The following CFAP299 variants were observed in gnomAD, a reference collection of about 807,000 sequenced individuals.
The protein encoded by CFAP299 is cilia- and flagella-associated protein 299.
CFAP299 carries 21 observed loss-of-function variants against 27.0 expected under a neutral mutation model. The ratio of observed to expected loss-of-function variants is 0.78; its 90% CI spans 0.55 to 1.12. CFAP299 has a LOEUF of 1.12. Ranked by LOEUF, CFAP299 falls within the 50% of genes most tolerant of loss-of-function variation. The pLI is 0.00. For synonymous variants in CFAP299, 104 were observed against 98.1 expected (o/e 1.06, Z -0.36); for missense variants, 310 against 276.6 (o/e 1.12, Z -0.86).
intron 3 of CFAP299, among the ~76,000 whole-genome samples, chr4:80,761,318 T>C (rs1212217555): frequency 6.6e-6 from 1 of 152,072 alleles, no homozygotes; most frequent in Non-Finnish European, 1.5e-5. Flanking sequence ...TACTTCTGGG[T>C]GGTCACTATT....
At chr4:80,619,406 A>G (rs1014256098) in intron 3 of CFAP299, among the ~76,000 whole-genome samples, 5 of 151,958 alleles carry the variant, frequency 3.3e-5, no homozygotes, top group East Asian at 1.9e-4. Flanking sequence ...GCCACATGAA[A>G]TTTTCTGAAT....
intron 3 of CFAP299, among the ~76,000 whole-genome samples, chr4:80,795,919 G>T (rs1486626357): frequency 6.6e-6 from 1 of 152,094 alleles, no homozygotes; most frequent in Non-Finnish European, 1.5e-5. Flanking sequence ...TTCATGTATG[G>T]GGACCTGCCA....
intron 2 of CFAP299, among the ~76,000 whole-genome samples, chr4:80,560,642 G>A (rs985677191): frequency 4.6e-5 from 7 of 152,084 alleles, no homozygotes; most frequent in Admixed American, 6.6e-5. Context: ...TAAAGAGACC[G>A]TGACCCTTAA....
At position 80,852,202 on chromosome 4, in the gene CFAP299, A is replaced by G. The variant is rs544893686; in HGVS notation, c.334-17791A>G. Among the ~76,000 whole-genome samples the G allele has an allele frequency of 1.3e-3, 191 of 152,282 alleles. 1 individual carries two copies. Among genetic ancestry groups the G allele is most frequent in the African/African-American group, 4.5e-3 (188 of 41,564 alleles). ...TCAGCACTAAAGCACAAACACATTA[A>G]AATAAAACTGTGGTTCTCAAAGTGC... On this transcript the variant is annotated intron_variant, in intron 3 of 5. Transcript: ENST00000358105.
intron 2 of CFAP299, among the ~76,000 whole-genome samples, chr4:80,408,570 G>C (rs144674769): frequency 1.4e-3 from 219 of 151,458 alleles, no homozygotes; most frequent in Non-Finnish European, 2.3e-3. Flanking sequence ...TTGGTAATTT[G>C]TCTTTTTGTT....
intron 3 of CFAP299, among the ~76,000 whole-genome samples, chr4:80,763,205 C>T (rs1001802830): frequency 6.6e-6 from 1 of 152,140 alleles, no homozygotes; most frequent in South Asian, 2.1e-4. Context: ...TTAGAAAACC[C>T]GATTGTCTCA....
intron 2 of CFAP299, among the ~76,000 whole-genome samples, chr4:80,564,149 G>A (rs962504785): frequency 3.9e-4 from 60 of 152,060 alleles, no homozygotes; most frequent in African/African-American, 1.3e-3. Flanking sequence ...ATAAAAAATA[G>A]GGGAGGAGGG....
chr4:80,884,517 C>A (rs1169116440), intron 4 of CFAP299, among the ~76,000 whole-genome samples: 7 of 151,618 alleles, frequency 4.6e-5, no homozygotes, highest in African/African-American at 1.7e-4. Flanking sequence ...AAAGCAGTTC[C>A]AAAAGTGTGT....
intron 3 of CFAP299, among the ~76,000 whole-genome samples, chr4:80,749,054 T>C (rs1724780321): frequency 1.3e-5 from 2 of 152,204 alleles, no homozygotes; most frequent in Admixed American, 1.3e-4. Context: ...TTCACTATTA[T>C]ATAGGCAGCA....
At chr4:80,930,081 C>T (rs971005473) in intron 4 of CFAP299, among the ~76,000 whole-genome samples, 3 of 152,074 alleles carry the variant, frequency 2.0e-5, no homozygotes, top group African/African-American at 4.8e-5. Flanking sequence ...GTCCCATCCC[C>T]GCCCCTTACA....
intron 3 of CFAP299, among the ~76,000 whole-genome samples, chr4:80,632,500 T>A (rs1002843848): frequency 1.3e-5 from 2 of 152,170 alleles, no homozygotes; most frequent in African/African-American, 4.8e-5. Flanking sequence ...GTAATAAAAC[T>A]CTGGACAATA....
At chr4:80,940,378 A>C (rs1737131273) in intron 4 of CFAP299, among the ~76,000 whole-genome samples, 1 of 152,052 alleles carries the variant, frequency 6.6e-6, no homozygotes, top group African/African-American at 2.4e-5. Flanking sequence ...CTCAGCTATC[A>C]TTTTCCCCTA....
At chr4:80,817,933 A>T (rs74639222) in intron 3 of CFAP299, among the ~76,000 whole-genome samples, 1,644 of 151,944 alleles carry the variant, frequency 0.011, 26 homozygotes, top group African/African-American at 0.037. Flanking sequence ...TGCACAGATC[A>T]TCCCAATGCC....
At chr4:80,508,809 T>A (rs1045189400) in intron 2 of CFAP299, among the ~76,000 whole-genome samples, 4 of 152,138 alleles carry the variant, frequency 2.6e-5, no homozygotes, top group African/African-American at 4.8e-5. Flanking sequence ...CCTCCTGACT[T>A]GGCTTCTCAA....
chr4:80,473,897 A>T (rs558454003), intron 2 of CFAP299, among the ~76,000 whole-genome samples: 4 of 152,300 alleles, frequency 2.6e-5, no homozygotes, highest in Admixed American at 2.6e-4. Flanking sequence ...TTATAACTAC[A>T]TTAAAACAAA....
Position 80,361,438 on chromosome 4 carries a change from A to C in CFAP299, c.112-1316A>C, listed in dbSNP as rs191139573. ...ATGTATTTAAGAAAATTCTTACTCAAATGATCTCACTTTTGTAAATTAATC... is the reference window on the plus strand; with the variant it reads ...ATGTATTTAAGAAAATTCTTACTCACATGATCTCACTTTTGTAAATTAATC... On this transcript the variant is annotated intron_variant, in intron 1 of 5. Transcript: ENST00000358105. Among the ~76,000 whole-genome samples, 410 of 152,348 alleles carry C rather than the reference A, an allele frequency of 2.7e-3. 4 individuals are homozygous for C. Among genetic ancestry groups the C allele is most frequent in the South Asian group, 0.019 (94 of 4,828 alleles).
chr4:80,721,724 A>C (rs1044320904), intron 3 of CFAP299, among the ~76,000 whole-genome samples: 1 of 152,214 alleles, frequency 6.6e-6, no homozygotes, highest in African/African-American at 2.4e-5. Context: ...AGGGAAGGGA[A>C]AATACATTTT....
At chr4:80,673,074 C>T (rs1302232784) in intron 3 of CFAP299, among the ~76,000 whole-genome samples, 1 of 151,662 alleles carries the variant, frequency 6.6e-6, no homozygotes. Flanking sequence ...TTTGCTCTTG[C>T]TTCTCTAGTT....
At chr4:80,716,369 T>C (rs1414076215) in intron 3 of CFAP299, among the ~76,000 whole-genome samples, 1 of 150,492 alleles carries the variant, frequency 6.6e-6, no homozygotes, top group Non-Finnish European at 1.5e-5. Context: ...ATAAGGATAG[T>C]ATTGATATAT....
Sources: allele counts gnomAD v4.1 joint callset (sites outside exome capture counted in the v4.1 genomes callset), GRCh38; gene constraint gnomAD v4.1.1; transcripts MANE v1.5; gene names NCBI Gene and HGNC (gene_info 2026-07-23, HGNC 2026-07-21).